FOXN3: variants seen among roughly 807,000 people sequenced by gnomAD.
The protein encoded by FOXN3 is forkhead box N3.
A neutral mutation model predicts 38.4 loss-of-function variants in FOXN3; 7 were observed. The ratio of observed to expected loss-of-function variants is 0.18; its 90% CI spans 0.10 to 0.34. The LOEUF (loss-of-function observed/expected upper bound fraction) is 0.34. Among genes scored for constraint, FOXN3 ranks in the 10% least tolerant of loss-of-function variants. The pLI, the probability that FOXN3 is intolerant of heterozygous loss-of-function variation, is 1.00. For synonymous variants in FOXN3, 230 were observed against 242.2 expected, an observed-to-expected ratio of 0.95 and a Z score of 0.47; for missense variants, 456 against 613.4, an observed-to-expected ratio of 0.74 and a Z score of 2.71.
At chr14:89,190,498 G>A (rs766530841) in intron 4 of FOXN3, 51 of 1,484,298 alleles carry the variant, frequency 3.4e-5, no homozygotes, top group South Asian at 2.1e-4. Flanking sequence ...GGGCCGGTGT[G>A]TGTGTGTGTT....
chr14:89,563,887 TC>T (rs951533318), intron 1 of FOXN3, among the ~76,000 whole-genome samples: 1 of 152,080 alleles, frequency 6.6e-6, no homozygotes, highest in African/African-American at 2.4e-5. Context: ...TTTCACTCTA[TC>T]CCCCAGGCTG....
intron 4 of FOXN3, among the ~76,000 whole-genome samples, chr14:89,206,474 A>G (rs780077726): frequency 4.6e-5 from 7 of 152,226 alleles, no homozygotes; most frequent in Non-Finnish European, 7.3e-5. Context: ...GAACAGACCC[A>G]GGCAGATTGG....
chr14:89,375,962 T>C (rs1172845420), intron 2 of FOXN3, among the ~76,000 whole-genome samples: 3 of 152,048 alleles, frequency 2.0e-5, no homozygotes, highest in Non-Finnish European at 4.4e-5. Flanking sequence ...TTTGTATTTT[T>C]AGTAGAGACA....
intron 2 of FOXN3, among the ~76,000 whole-genome samples, chr14:89,393,826 C>T (rs1891025317): frequency 6.6e-6 from 1 of 152,032 alleles, no homozygotes; most frequent in Non-Finnish European, 1.5e-5. Flanking sequence ...GAGAAAGAGC[C>T]CAGAGGTACA....
chr14:89,230,764 A>G, intron 4 of FOXN3: 1 of 401,556 alleles, frequency 2.5e-6, no homozygotes, highest in Non-Finnish European at 5.1e-6. Flanking sequence ...TAAATAGATA[A>G]ACAAACATTC....
intron 4 of FOXN3, among the ~76,000 whole-genome samples, chr14:89,209,748 T>G (rs1408791869): frequency 1.3e-5 from 2 of 152,242 alleles, no homozygotes; most frequent in Non-Finnish European, 2.9e-5. Flanking sequence ...ATGTCACTAC[T>G]AAGAAATATG....
intron 3 of FOXN3, among the ~76,000 whole-genome samples, chr14:89,345,743 C>T (rs541551592): frequency 6.6e-6 from 1 of 152,300 alleles, no homozygotes; most frequent in East Asian, 1.9e-4. Flanking sequence ...GTTTTCCATT[C>T]CTGAGTTACT....
intron 1 of FOXN3, among the ~76,000 whole-genome samples, chr14:89,459,995 TC>T (rs1227164927): frequency 6.6e-6 from 1 of 152,100 alleles, no homozygotes; most frequent in Non-Finnish European, 1.5e-5. Flanking sequence ...GCCAAGATGT[TC>T]CCCTGGAAGT....
At chr14:89,206,865 G>A (rs1006285381) in intron 4 of FOXN3, among the ~76,000 whole-genome samples, 11 of 152,054 alleles carry the variant, frequency 7.2e-5, no homozygotes, top group Middle Eastern at 3.4e-3. Context: ...AGCCTAAGCC[G>A]TGCCTGGGAG....
intron 1 of FOXN3, among the ~76,000 whole-genome samples, chr14:89,525,035 C>T (rs984331375): frequency 1.3e-5 from 2 of 152,048 alleles, no homozygotes; most frequent in African/African-American, 2.4e-5. Context: ...CTCTACAACC[C>T]TTAGGATTAA....
At chr14:89,227,909 T>A (rs1172024416) in intron 4 of FOXN3, among the ~76,000 whole-genome samples, 2 of 152,142 alleles carry the variant, frequency 1.3e-5, no homozygotes, top group African/African-American at 4.8e-5. Flanking sequence ...CTTATGAGCT[T>A]AAAGGGAAAC....
chr14:89,408,558 A>G (rs1010845806), intron 2 of FOXN3, among the ~76,000 whole-genome samples: 15 of 149,220 alleles, frequency 1.0e-4, no homozygotes, highest in Admixed American at 9.5e-4. Context: ...CCGGCTGGGA[A>G]TTGTTTTTTA....
At chr14:89,255,252 G>A (rs1396773136) in intron 4 of FOXN3, among the ~76,000 whole-genome samples, 1 of 152,154 alleles carries the variant, frequency 6.6e-6, no homozygotes, top group Non-Finnish European at 1.5e-5. Flanking sequence ...CCACTTTCCG[G>A]TCTCATTTTC....
chr14:89,366,589 T>C (rs1890165445), intron 2 of FOXN3, among the ~76,000 whole-genome samples: 1 of 152,208 alleles, frequency 6.6e-6, no homozygotes, highest in Admixed American at 6.5e-5. Context: ...TTTACATAAA[T>C]AATGTGTTTA....
intron 1 of FOXN3, among the ~76,000 whole-genome samples, chr14:89,488,501 C>CA (rs1893499452): frequency 6.6e-6 from 1 of 151,228 alleles, no homozygotes; most frequent in South Asian, 2.1e-4. Flanking sequence ...CAAAACAAAA[C>CA]AAAAAAATAG....
chr14:89,215,325 C>A (rs1347827856), intron 4 of FOXN3, among the ~76,000 whole-genome samples: 1 of 147,388 alleles, frequency 6.8e-6, no homozygotes, highest in East Asian at 2.0e-4. Context: ...TGCTTCATTT[C>A]TTCAGAGTTA....
chr14:89,415,068 C>T (rs891984807), intron 1 of FOXN3, among the ~76,000 whole-genome samples: 7 of 152,106 alleles, frequency 4.6e-5, no homozygotes, highest in Non-Finnish European at 8.8e-5. Context: ...TCTTTATGAA[C>T]GAATTATAGC....
intron 1 of FOXN3, among the ~76,000 whole-genome samples, chr14:89,599,588 C>A (rs1445292199): frequency 6.6e-6 from 1 of 151,496 alleles, no homozygotes; most frequent in Non-Finnish European, 1.5e-5. Flanking sequence ...CATATCTGGT[C>A]TTCTCATGTG....
intron 1 of FOXN3, among the ~76,000 whole-genome samples, chr14:89,429,422 G>A (rs746397028): frequency 6.6e-6 from 1 of 152,122 alleles, no homozygotes; most frequent in African/African-American, 2.4e-5. Flanking sequence ...TTTTGCTTTT[G>A]AGTAGCTTGA....
Sources: allele counts gnomAD v4.1 joint callset (sites outside exome capture counted in the v4.1 genomes callset), GRCh38; gene constraint gnomAD v4.1.1; transcripts MANE v1.5; gene names NCBI Gene and HGNC (gene_info 2026-07-23, HGNC 2026-07-21).